RHOJ: variants seen among roughly 807,000 people sequenced by gnomAD.
RHOJ encodes ras homolog family member J.
Under a neutral mutation model 23.4 loss-of-function variants are expected in RHOJ, and 11 were observed. The ratio of observed to expected loss-of-function variants is 0.47; its 90% CI spans 0.30 to 0.78. The LOEUF is 0.78. Ranked by LOEUF, RHOJ falls within the 30% of genes least tolerant of loss-of-function variation. The pLI, the probability that RHOJ is intolerant of heterozygous loss-of-function variation, is 0.08. For synonymous variants in RHOJ, 102 were observed against 102.7 expected, an observed-to-expected ratio of 0.99 and a Z score of 0.04; for missense variants, 254 against 273.4, an observed-to-expected ratio of 0.93 and a Z score of 0.50.
chr14:63,262,799 G>A (rs1895294889), intron 1 of RHOJ, among the ~76,000 whole-genome samples: 1 of 152,144 alleles, frequency 6.6e-6, no homozygotes, highest in Non-Finnish European at 1.5e-5. Flanking sequence ...TGTACTCTGG[G>A]GTATACTGGG....
At chr14:63,273,723 T>C (rs769055) in intron 2 of RHOJ, among the ~76,000 whole-genome samples, 54,540 of 152,218 alleles carry the variant, frequency 0.36, 14,350 homozygotes, top group African/African-American at 0.75. Flanking sequence ...CAAAGCCCTA[T>C]TCAGATTGTG....
chr14:63,215,240 A>G (rs999597905), intron 1 of RHOJ, among the ~76,000 whole-genome samples: 8 of 152,148 alleles, frequency 5.3e-5, no homozygotes, highest in Non-Finnish European at 1.0e-4. Context: ...AGAAAGATGC[A>G]TAAATCTGGG....
At chr14:63,223,105 C>T (rs1894528474) in intron 1 of RHOJ, among the ~76,000 whole-genome samples, 1 of 152,150 alleles carries the variant, frequency 6.6e-6, no homozygotes, top group Admixed American at 6.5e-5. Context: ...GTTTGTTTTT[C>T]ACAGAATTCA....
intron 1 of RHOJ, among the ~76,000 whole-genome samples, chr14:63,259,290 A>G (rs7144902): frequency 0.32 from 49,368 of 152,094 alleles, 10,790 homozygotes; most frequent in African/African-American, 0.62. Context: ...ATAAAAATTC[A>G]AATCCTCAGA....
At chr14:63,271,687 C>G (rs1594774069) in intron 2 of RHOJ, among the ~76,000 whole-genome samples, 1 of 152,238 alleles carries the variant, frequency 6.6e-6, no homozygotes, top group Non-Finnish European at 1.5e-5. Flanking sequence ...CTCCGCTTCC[C>G]GAGTTCAAGC....
At chr14:63,234,747 T>C (rs1894758134) in intron 1 of RHOJ, among the ~76,000 whole-genome samples, 1 of 152,220 alleles carries the variant, frequency 6.6e-6, no homozygotes, top group African/African-American at 2.4e-5. Flanking sequence ...CCAAAAAATA[T>C]ATATAAATTT....
chr14:63,281,016 G>A lies in RHOJ; in HGVS notation c.283G>A (p.Val95Met), dbSNP rs1029688410. 3 of 1,614,108 alleles carry A rather than the reference G, an allele frequency of 1.9e-6. No individual in the cohort carries two copies. Among genetic ancestry groups the A allele is most frequent in the Non-Finnish European group, 8.5e-7 (1 of 1,179,988 alleles). The change falls in exon 3 of 5, where the codon GTG (valine) becomes ATG (methionine). Residue 95 changes from valine (V) to methionine (M), a missense_variant. By Grantham distance (21) the Val-to-Met change is conservative. Coordinates refer to ENST00000316754, the MANE Select transcript of RHOJ (RefSeq NM_020663.5). ...GCCACTCTCCTACCCCAACACGGATGTGTTTTTGATCTGCTTCTCTGTCGT... is the reference window on the plus strand; with the variant it reads ...GCCACTCTCCTACCCCAACACGGATATGTTTTTGATCTGCTTCTCTGTCGT... ...LRPLSYPNTD[V>M]FLICFSVVNP...
intron 1 of RHOJ, among the ~76,000 whole-genome samples, chr14:63,266,976 C>T (rs1055096080): frequency 2.6e-5 from 4 of 152,188 alleles, no homozygotes; most frequent in Non-Finnish European, 4.4e-5. Context: ...CCACACCCCT[C>T]ACACTACCCC....
intron 1 of RHOJ, among the ~76,000 whole-genome samples, chr14:63,267,176 C>T (rs1895383974): frequency 1.3e-5 from 2 of 152,220 alleles, no homozygotes; most frequent in African/African-American, 2.4e-5. Context: ...ACCCTCTGCC[C>T]ACCACCTCAC....
intron 3 of RHOJ, among the ~76,000 whole-genome samples, 173 bp downstream of exon 3, chr14:63,281,308 G>T (rs569728459): frequency 6.6e-6 from 1 of 152,114 alleles, no homozygotes; most frequent in East Asian, 1.9e-4. Flanking sequence ...TAGTGGAAAA[G>T]ATAATAGAGC....
At chr14:63,269,821 C>T (rs985190424) in intron 2 of RHOJ, among the ~76,000 whole-genome samples, 1 of 152,212 alleles carries the variant, frequency 6.6e-6, no homozygotes, top group Admixed American at 6.5e-5. Flanking sequence ...CTAAAACCCT[C>T]AACAATTAAT....
In RHOJ at chr14:63,263,666, T is replaced by C. The variant is rs544777760; in HGVS notation, c.179-5444T>C. On this transcript the variant is annotated intron_variant, in intron 1 of 4. Transcript: ENST00000316754. ...GCAAAGCTGAACATCCAACATGGCT[T>C]CCACACCCATAATGGCATCCTCCCT... Among the ~76,000 whole-genome samples, 179 of 152,328 alleles carry C rather than the reference T, an allele frequency of 1.2e-3. 1 individual carries two copies. The highest frequency in any genetic ancestry group is 4.2e-3 in the African/African-American group (175 of 41,560).
intron 1 of RHOJ, among the ~76,000 whole-genome samples, chr14:63,206,607 T>C (rs185752133): frequency 6.6e-6 from 1 of 152,190 alleles, no homozygotes; most frequent in African/African-American, 2.4e-5. Context: ...ATGAAACTTA[T>C]GTATCCAAAT....
At chr14:63,268,995 C>G in intron 1 of RHOJ, 115 bp from the exon 2 acceptor site, 1 of 716,920 alleles carries the variant, frequency 1.4e-6, no homozygotes, top group Admixed American at 2.1e-5. Flanking sequence ...ATGAGCGAGG[C>G]ATATGCTTCT....
chr14:63,255,862 T>C (rs1895155093), intron 1 of RHOJ, among the ~76,000 whole-genome samples: 1 of 151,776 alleles, frequency 6.6e-6, no homozygotes, highest in Non-Finnish European at 1.5e-5. Flanking sequence ...TATCCTTTTT[T>C]TTTTACCTTT....
intron 1 of RHOJ, among the ~76,000 whole-genome samples, chr14:63,251,206 T>G (rs1443365775): frequency 1.3e-5 from 2 of 152,188 alleles, no homozygotes; most frequent in Admixed American, 1.3e-4. Flanking sequence ...CAAGGATAAT[T>G]CTGTTTTCTT....
intron 1 of RHOJ, among the ~76,000 whole-genome samples, chr14:63,218,896 T>A (rs1894422973): frequency 6.6e-6 from 1 of 152,200 alleles, no homozygotes; most frequent in African/African-American, 2.4e-5. Flanking sequence ...AGTTTTTATA[T>A]GTAGTTCCTC....
chr14:63,210,542 G>C (rs544735071), intron 1 of RHOJ, among the ~76,000 whole-genome samples: 1 of 152,170 alleles, frequency 6.6e-6, no homozygotes, highest in East Asian at 1.9e-4. Context: ...AACAACCCTG[G>C]GCTCTGCTCC....
At chr14:63,211,897 TG>T (rs1214108726) in intron 1 of RHOJ, among the ~76,000 whole-genome samples, 3 of 152,154 alleles carry the variant, frequency 2.0e-5, no homozygotes, top group African/African-American at 4.8e-5. Context: ...ATATGAGCAG[TG>T]TATAGCTAAT....
Sources: allele counts gnomAD v4.1 joint callset (sites outside exome capture counted in the v4.1 genomes callset), GRCh38; gene constraint gnomAD v4.1.1; transcripts MANE v1.5; gene names NCBI Gene and HGNC (gene_info 2026-07-23, HGNC 2026-07-21).